TLL2: variants seen among roughly 807,000 people sequenced by gnomAD.
The protein encoded by TLL2 is tolloid like 2.
In TLL2, 106 loss-of-function variants were observed where a neutral mutation model predicts 123.0. That is an observed-to-expected ratio of 0.86 (90% CI 0.74 to 1.01). The LOEUF (loss-of-function observed/expected upper bound fraction) is 1.01, where lower values mean the gene tolerates loss of function less well. Ranked by LOEUF, TLL2 falls within the 50% of genes least tolerant of loss-of-function variation. TLL2 has a pLI of 0.00. For synonymous variants in TLL2, 494 were observed against 516.8 expected (o/e 0.96, Z 0.60); for missense variants, 1,332 against 1,336.7 (o/e 1.00, Z 0.06).
At position 96,386,963 on chromosome 10, in the gene TLL2, CT is replaced by C. The variant is rs1352874704; in HGVS notation, c.1841del (p.Lys614ArgfsTer14). On this transcript the variant is annotated frameshift_variant, in exon 14 of 21. Coordinates refer to ENST00000357947, the MANE Select transcript of TLL2 (RefSeq NM_012465.4). LOFTEE classifies it high-confidence loss of function. ...AGGTCCCACACCAACCTTCACACAT[CT>C]TCTTATCGGCGGCCAGCTCGTAGCC... ...DPGYELAADK[K>X]MCEVACGGFI... The C allele has an allele frequency of 1.2e-6, 2 of 1,613,586 alleles. No homozygotes were observed. The highest frequency in any genetic ancestry group is 1.3e-5 in the African/African-American group (1 of 74,926).
At chr10:96,375,995 C>A (rs1420936124) in intron 18 of TLL2, among the ~76,000 whole-genome samples, 1 of 152,182 alleles carries the variant, frequency 6.6e-6, no homozygotes, top group Non-Finnish European at 1.5e-5. Context: ...CTAGGAGATT[C>A]AACTCTCCTT....
At chr10:96,401,376 C>G (rs868305068) in intron 10 of TLL2, among the ~76,000 whole-genome samples, 1 of 152,130 alleles carries the variant, frequency 6.6e-6, no homozygotes, top group Non-Finnish European at 1.5e-5. Flanking sequence ...CCAGCTCGGC[C>G]GACACAATGC....
At chr10:96,470,182 C>T (rs1847165708) in intron 2 of TLL2, among the ~76,000 whole-genome samples, 1 of 152,240 alleles carries the variant, frequency 6.6e-6, no homozygotes, top group Non-Finnish European at 1.5e-5. Flanking sequence ...ACACTCTCTG[C>T]AAGGTGATGT....
In TLL2 at chr10:96,474,054, C is replaced by T. The variant is rs141187766; in HGVS notation, c.286+6295G>A. 3.3e-3 allele frequency among the ~76,000 whole-genome samples: 507 copies of T among 152,254 alleles called. 3 individuals carry two copies. The highest frequency in any genetic ancestry group is 5.2e-3 in the Non-Finnish European group (355 of 68,004). Reference sequence around the variant, plus strand: ...TACTTCCTTCACTACACAGCTAATCCGATTAGCAGCTTTAGGAAACTCTGT... The same window carrying T: ...TACTTCCTTCACTACACAGCTAATCTGATTAGCAGCTTTAGGAAACTCTGT... On this transcript the variant is annotated intron_variant, in intron 2 of 20. Coordinates refer to ENST00000357947, the MANE Select transcript of TLL2 (RefSeq NM_012465.4).
intron 1 of TLL2, among the ~76,000 whole-genome samples, chr10:96,510,367 C>T (rs1411672224): frequency 2.6e-5 from 4 of 152,144 alleles, no homozygotes; most frequent in African/African-American, 9.7e-5. Flanking sequence ...CAGCCCCAGG[C>T]CAGGAGGGCT....
chr10:96,502,536 G>A (rs556436062), intron 1 of TLL2, among the ~76,000 whole-genome samples: 1 of 152,224 alleles, frequency 6.6e-6, no homozygotes, highest in African/African-American at 2.4e-5. Flanking sequence ...GAGAAGAAGA[G>A]GGAAGTCAGG....
chr10:96,401,493 G>A (rs1298654292), intron 10 of TLL2, among the ~76,000 whole-genome samples: 4 of 137,460 alleles, frequency 2.9e-5, no homozygotes, highest in African/African-American at 5.4e-5. Context: ...GGTTACAGGC[G>A]CTGGCACTCT....
intron 9 of TLL2, 34 bp downstream of exon 9, chr10:96,410,325 G>T: frequency 6.6e-7 from 1 of 1,522,656 alleles, no homozygotes; most frequent in Non-Finnish European, 9.1e-7. Flanking sequence ...CTCAAGGAGT[G>T]CCGTCCCATT....
Position 96,477,032 on chromosome 10 carries a change from C to CTT in TLL2, c.286+3315_286+3316dup, listed in dbSNP as rs10615764. On this transcript the variant is annotated intron_variant, in intron 2 of 20. Coordinates refer to ENST00000357947, the MANE Select transcript of TLL2 (RefSeq NM_012465.4). ...CTTTATACAATTATGAGCTACTGGA[C>CTT]TTTTTTTTTTTTTTTTTTTTTTACA... Among the ~76,000 whole-genome samples the CTT allele has an allele frequency of 3.9e-3, 437 of 110,786 alleles. 12 individuals carry two copies. Among genetic ancestry groups the CTT allele is most frequent in the Middle Eastern group, 0.025 (5 of 204 alleles). The allele number at this position is 110,786 out of a possible 152,430, so 72.7% of individuals were successfully genotyped here.
chr10:96,499,574 G>A (rs946209881), intron 1 of TLL2, among the ~76,000 whole-genome samples: 6 of 152,284 alleles, frequency 3.9e-5, no homozygotes, highest in African/African-American at 1.4e-4. Flanking sequence ...AACTTAATCT[G>A]AACTGATACA....
chr10:96,462,911 G>A (rs1218024977), intron 2 of TLL2, among the ~76,000 whole-genome samples: 1 of 152,156 alleles, frequency 6.6e-6, no homozygotes, highest in African/African-American at 2.4e-5. Flanking sequence ...ACTAAATATA[G>A]CACAAGAAGG....
At chr10:96,397,367 T>C in intron 10 of TLL2, 65 bp from the exon 11 acceptor site, 25 of 1,335,146 alleles carry the variant, frequency 1.9e-5, no homozygotes, top group Non-Finnish European at 2.5e-5. Flanking sequence ...GGCTTCAGGC[T>C]AGGAGGAAGC....
chr10:96,418,816 A>C (rs942400142), intron 7 of TLL2, among the ~76,000 whole-genome samples: 1 of 148,186 alleles, frequency 6.7e-6, no homozygotes, highest in African/African-American at 2.5e-5. Context: ...AATTATATGA[A>C]TATATAAATT....
chr10:96,500,565 G>A (rs1029753187), intron 1 of TLL2, among the ~76,000 whole-genome samples: 9 of 152,192 alleles, frequency 5.9e-5, no homozygotes, highest in African/African-American at 1.9e-4. Context: ...AGGCCAAGGC[G>A]GGTGGATCAC....
At chr10:96,441,480 G>T (rs1846850053) in intron 3 of TLL2, among the ~76,000 whole-genome samples, 1 of 152,326 alleles carries the variant, frequency 6.6e-6, no homozygotes, top group East Asian at 1.9e-4. Flanking sequence ...GCCTTAGAGT[G>T]GAGTCAAGGC....
At chr10:96,491,231 A>C (rs555903073) in intron 1 of TLL2, among the ~76,000 whole-genome samples, 189 of 152,104 alleles carry the variant, frequency 1.2e-3, no homozygotes, top group Non-Finnish European at 2.3e-3. Flanking sequence ...AAATACAAAA[A>C]ATTAGCTGGG....
At chr10:96,480,754 C>T (rs866595400) in intron 1 of TLL2, among the ~76,000 whole-genome samples, 1 of 152,218 alleles carries the variant, frequency 6.6e-6, no homozygotes, top group South Asian at 2.1e-4. Context: ...CTGAGCAAAA[C>T]TACCACAAAA....
intron 2 of TLL2, among the ~76,000 whole-genome samples, chr10:96,476,897 C>T (rs10882798): frequency 0.099 from 14,755 of 148,558 alleles, 803 homozygotes; most frequent in Non-Finnish European, 0.12. Flanking sequence ...CACACACACA[C>T]GCAAACATGC....
chr10:96,446,161 A>G lies in TLL2; in HGVS notation c.294T>C (p.Leu98=), dbSNP rs771985484. Residue 98 remains leucine (L), a synonymous_variant, in exon 3 of 21, where the codon CTT becomes CTC. Coordinates refer to ENST00000357947, the MANE Select transcript of TLL2 (RefSeq NM_012465.4). The part of the protein sequence containing the change: ...VGATGHSTGG[L]EEQASESSPD... Reference sequence around the variant, plus strand: ...GGCTGCTCTCAGATGCCTGCTCTTCAAGCCCACCTAGAGGAATGGAGAAGA... The same window carrying G: ...GGCTGCTCTCAGATGCCTGCTCTTCGAGCCCACCTAGAGGAATGGAGAAGA... 4 of 1,614,088 alleles carry G rather than the reference A, an allele frequency of 2.5e-6. No individual in the cohort carries two copies. Among genetic ancestry groups the G allele is most frequent in the Non-Finnish European group, 3.4e-6 (4 of 1,179,998 alleles).
Sources: allele counts gnomAD v4.1 joint callset (sites outside exome capture counted in the v4.1 genomes callset), GRCh38; gene constraint gnomAD v4.1.1; transcripts MANE v1.5; gene names NCBI Gene and HGNC (gene_info 2026-07-23, HGNC 2026-07-21).